The following CACNA1A variants were observed in gnomAD, a reference collection of about 807,000 sequenced individuals.
The protein encoded by CACNA1A is calcium voltage-gated channel subunit alpha1 A, also known as voltage-dependent P/Q-type calcium channel subunit alpha-1A.
Under a neutral mutation model 262.4 loss-of-function variants are expected in CACNA1A, and 57 were observed. The ratio of observed to expected loss-of-function variants is 0.22; its 90% confidence interval spans 0.18 to 0.27. The LOEUF is 0.27. Among genes scored for constraint, CACNA1A ranks in the 10% least tolerant of loss-of-function variants. The probability of loss-of-function intolerance (pLI) is 1.00; values close to 1 mark genes in which losing one functional copy is unlikely to be tolerated. For synonymous variants in CACNA1A, 1,431 were observed against 1,419.3 expected, an observed-to-expected ratio of 1.01 and a Z score of -0.18; for missense variants, 2,526 against 3,562.8, an observed-to-expected ratio of 0.71 and a Z score of 7.41.
chr19:13,261,917 C>G, intron 25 of CACNA1A: 1 of 266,870 alleles, frequency 3.7e-6, no homozygotes, highest in East Asian at 7.5e-5. Context: ...TCTCTCAATC[C>G]TTTTGAGTGA....
intron 31 of CACNA1A, among the ~76,000 whole-genome samples, chr19:13,240,623 AGTGT>A (rs925410778): frequency 1.4e-5 from 2 of 144,002 alleles, no homozygotes; most frequent in Non-Finnish European, 3.0e-5. Context: ...GTGTGTGTGC[AGTGT>A]GTGTGCAGTG....
chr19:13,334,232 T>G, intron 8 of CACNA1A, 146 bp downstream of exon 8: 1 of 595,584 alleles, frequency 1.7e-6, no homozygotes. Context: ...GGATTCTTGT[T>G]GATAAAATTT....
chr19:13,406,863 T>C (rs1160306851), intron 3 of CACNA1A, among the ~76,000 whole-genome samples: 3 of 151,910 alleles, frequency 2.0e-5, no homozygotes, highest in Non-Finnish European at 4.4e-5. Flanking sequence ...CCTCAAAACA[T>C]GGGTTGGTTC....
intron 1 of CACNA1A, among the ~76,000 whole-genome samples, chr19:13,488,081 T>G (rs1049087324): frequency 3.9e-5 from 6 of 152,128 alleles, no homozygotes; most frequent in Non-Finnish European, 5.9e-5. Context: ...CATCTGACCC[T>G]ACTCAGCACT....
intron 3 of CACNA1A, among the ~76,000 whole-genome samples, chr19:13,376,801 A>C (rs1453372009): frequency 7.1e-6 from 1 of 140,092 alleles, no homozygotes; most frequent in Non-Finnish European, 1.5e-5. Flanking sequence ...ATATATACAC[A>C]TAATATATGT....
chr19:13,249,644 C>T (rs146088121), intron 30 of CACNA1A, among the ~76,000 whole-genome samples: 37 of 152,290 alleles, frequency 2.4e-4, no homozygotes, highest in Non-Finnish European at 4.3e-4. Context: ...TGTCAGCCAC[C>T]GTGCCTGGCC....
chr19:13,242,109 G>A (rs2056096914), intron 31 of CACNA1A, among the ~76,000 whole-genome samples: 1 of 152,156 alleles, frequency 6.6e-6, no homozygotes, highest in Non-Finnish European at 1.5e-5. Flanking sequence ...AATTGTCCCA[G>A]AAGGACCCAA....
chr19:13,428,368 T>A (rs2060443171), intron 3 of CACNA1A, among the ~76,000 whole-genome samples: 1 of 152,208 alleles, frequency 6.6e-6, no homozygotes, highest in Admixed American at 6.5e-5. Flanking sequence ...GAACTGAAGT[T>A]TTACAAGGGC....
chr19:13,294,203 CAAAA>C (rs57648096), intron 19 of CACNA1A, among the ~76,000 whole-genome samples: 1 of 99,634 alleles, frequency 1.0e-5, no homozygotes. Flanking sequence ...GACCCTGCCT[CAAAA>C]AAAAAAAAAA....
intron 3 of CACNA1A, chr19:13,451,452 G>C (rs1398885137): frequency 6.6e-6 from 1 of 152,310 alleles, no homozygotes; most frequent in East Asian, 1.9e-4. Flanking sequence ...AGAGTGGGAA[G>C]AGGAGGAACC....
chr19:13,359,570 C>A, intron 6 of CACNA1A, 36 bp downstream of exon 6: 1 of 1,553,106 alleles, frequency 6.4e-7, no homozygotes, highest in Non-Finnish European at 8.8e-7. Context: ...CCCTGAGACT[C>A]TGATTGTCCA....
intron 38 of CACNA1A, among the ~76,000 whole-genome samples, chr19:13,216,562 A>T (rs891279013): frequency 1.2e-4 from 18 of 151,878 alleles, no homozygotes; most frequent in Non-Finnish European, 1.8e-4. Context: ...TCCTGACCTC[A>T]GGTGATCTGC....
At chr19:13,346,666 A>ATTTTTT (rs74181823) in intron 6 of CACNA1A, among the ~76,000 whole-genome samples, 2 of 8,288 alleles carry the variant, frequency 2.4e-4, no homozygotes, top group Non-Finnish European at 4.0e-4. Context: ...ATATATATAT[A>ATTTTTT]TTTTTTTTTT....
At chr19:13,210,588 G>C in intron 44 of CACNA1A, 29 bp downstream of exon 44, 2 of 1,554,584 alleles carry the variant, frequency 1.3e-6, no homozygotes, top group Non-Finnish European at 1.7e-6. Context: ...CCGGAGCCCT[G>C]CTGGGCGCTG....
At chr19:13,445,954 A>T (rs191425363) in intron 3 of CACNA1A, among the ~76,000 whole-genome samples, 2 of 152,320 alleles carry the variant, frequency 1.3e-5, no homozygotes, top group Admixed American at 6.5e-5. Context: ...TGCTTCAGGA[A>T]TCTGAGAGGG....
At chr19:13,303,448 G>GCCCCCACCCCCACCCCCACCCCCA (rs899443049) in intron 17 of CACNA1A, 98 bp downstream of exon 17, 1 of 205,246 alleles carries the variant, frequency 4.9e-6, no homozygotes, top group Admixed American at 6.5e-5. Context: ...CTGTTCCCAT[G>GCCCCCACCCCCACCCCCACCCCCA]CCCCCACCCC....
At chr19:13,216,647 T>TTATCTATCTATC (rs71168686) in intron 38 of CACNA1A, among the ~76,000 whole-genome samples, 4 of 149,234 alleles carry the variant, frequency 2.7e-5, no homozygotes, top group Non-Finnish European at 3.0e-5. Flanking sequence ...TTTTAAAAAT[T>TTATCTATCTATC]TATCTATCTA....
At chr19:13,453,065 A>G in intron 2 of CACNA1A, 50 bp from the exon 3 acceptor site, 1 of 1,607,604 alleles carries the variant, frequency 6.2e-7, no homozygotes, top group Non-Finnish European at 8.5e-7. Flanking sequence ...GCAGATGTTG[A>G]CAAGATCAGG....
intron 1 of CACNA1A, among the ~76,000 whole-genome samples, chr19:13,458,664 G>A (rs2061059847): frequency 6.6e-6 from 1 of 152,082 alleles, no homozygotes. Flanking sequence ...CTGTCATTTG[G>A]GTTTAGGAGG....
Sources: gnomAD v4.1 joint callset for allele counts (sites outside exome capture counted in the v4.1 genomes callset) on GRCh38, gnomAD v4.1.1 for gene constraint, MANE v1.5 for transcripts, NCBI Gene and HGNC (gene_info 2026-07-23, HGNC 2026-07-21) for gene names.